Variants in CHAC1 observed in about 807,000 individuals in gnomAD.
CHAC1 encodes glutathione-specific gamma-glutamylcyclotransferase 1.
Under a neutral mutation model 22.1 loss-of-function variants are expected in CHAC1, and 22 were observed. The ratio of observed to expected loss-of-function variants is 1.00; its 90% CI spans 0.71 to 1.42. The LOEUF is 1.42. CHAC1 is among the 40% of genes most tolerant of loss of function. The pLI is 0.00. For missense variants in CHAC1, 272 were observed against 299.2 expected, an observed-to-expected ratio of 0.91 and a Z score of 0.67; for synonymous variants, 145 against 128.7, an observed-to-expected ratio of 1.13 and a Z score of -0.86.
In CHAC1 at chr15:40,955,828, C is replaced by A; in HGVS notation, c.*54C>A. 1 of 1,498,736 alleles carries A rather than the reference C, an allele frequency of 6.7e-7. No homozygotes were observed. The highest frequency in any genetic ancestry group is 8.9e-7 in the Non-Finnish European group (1 of 1,125,614). The allele number at this position is 1,498,736 out of a possible 1,614,324, so 92.8% of individuals were successfully genotyped here. A position where few individuals can be genotyped will look rare whatever the true frequency, so the allele number is the denominator to read the frequency against. The stretch of plus-strand genomic sequence containing the variant: ...TGTGGACATCAGGGCCAGACACCCA[C>A]TCCAGTGCACAAGACAGACTTGCGA... On this transcript the variant is annotated 3_prime_UTR_variant, in exon 3 of 3. Transcript: ENST00000617768.
intron 1 of CHAC1, 66 bp downstream of exon 1, chr15:40,953,880 T>A: frequency 7.9e-7 from 1 of 1,266,104 alleles, no homozygotes; most frequent in East Asian, 2.3e-5. Flanking sequence ...GCCAGTGCCC[T>A]GGAATGTCCG....
chr15:40,955,444 G>A lies in CHAC1; in HGVS notation c.339G>A (p.Val113=). 1 of 1,614,158 alleles carries A rather than the reference G, an allele frequency of 6.2e-7. No individual in the cohort carries two copies. The highest frequency in any genetic ancestry group is 2.2e-5 in the East Asian group (1 of 44,878). ...QVSKALKYLN[V]REAVLGGYDT... Reference sequence around the variant, plus strand: ...GCAAGGCCCTGAAGTACCTGAATGTGCGAGAGGCAGTGCTTGGTGGCTACG... The same window carrying A: ...GCAAGGCCCTGAAGTACCTGAATGTACGAGAGGCAGTGCTTGGTGGCTACG... Residue 113 remains valine (V), a synonymous_variant, in exon 3 of 3, where the codon GTG becomes GTA. Transcript: ENST00000617768.
At position 40,954,244 on chromosome 15, in the gene CHAC1, C is replaced by T. The variant is rs2140379664; in HGVS notation, c.248C>T (p.Thr83Met). ...CCTCCCTAGCCTGGCCGTGTGGTGA[C>T]GCTCCTTGAAGATCATGAGGTAAGT... is the stretch of plus-strand genomic sequence containing the variant. ...GSDKMPGRVV[T>M]LLEDHEGCTW... The change falls in exon 2 of 3, where the codon ACG (threonine) becomes ATG (methionine). Residue 83 changes from threonine (T) to methionine (M), a missense_variant. Physicochemically the swap from Thr to Met is moderately conservative, Grantham distance 81 (BLOSUM62 -1). Coordinates refer to ENST00000617768, the MANE Select transcript of CHAC1 (RefSeq NM_024111.6). 6.2e-7 allele frequency: 1 copy of T among 1,614,070 alleles called. No homozygotes were observed. Among genetic ancestry groups the T allele is most frequent in the Non-Finnish European group, 8.5e-7 (1 of 1,180,004 alleles).
chr15:40,953,570 C>G lies in CHAC1; in HGVS notation c.-14C>G. 3.1e-6 allele frequency: 5 copies of G among 1,609,738 alleles called. No individual in the cohort carries two copies. The highest frequency in any genetic ancestry group is 4.2e-6 in the Non-Finnish European group (5 of 1,179,888). ...CCCCGGAGGCCGCCTGGGCCTATCC[C>G]TGTGCCAGGCACCATGAAGCAGGAG... On this transcript the variant is annotated 5_prime_UTR_variant, in exon 1 of 3. Transcript: ENST00000617768.
At chr15:40,954,752 C>T (rs1034976589) in intron 2 of CHAC1, among the ~76,000 whole-genome samples, 3 of 151,634 alleles carry the variant, frequency 2.0e-5, no homozygotes, top group South Asian at 2.1e-4. Flanking sequence ...TACAGGCATG[C>T]GCTACCACAC....
In CHAC1 at chr15:40,953,692, G is replaced by C; in HGVS notation, c.109G>C (p.Gly37Arg). 1.2e-6 allele frequency: 2 copies of C among 1,607,564 alleles called. No individual in the cohort carries two copies. The highest frequency in any genetic ancestry group is 1.3e-5 in the African/African-American group (1 of 75,064). ...CGACCCTCAAGCGCTGTGGATTTTCGGGTACGGCTCCCTGGTGTGGAGGCC... is the reference window on the plus strand; with the variant it reads ...CGACCCTCAAGCGCTGTGGATTTTCCGGTACGGCTCCCTGGTGTGGAGGCC... ...DGDPQALWIF[G>R]YGSLVWRPDF... The change falls in exon 1 of 3, where the codon GGG becomes CGG. Residue 37 changes from glycine (G) to arginine (R), a missense_variant. Gly to Arg is a moderately radical substitution (Grantham distance 125, BLOSUM62 -2). Coordinates refer to ENST00000617768, the MANE Select transcript of CHAC1 (RefSeq NM_024111.6).
intron 2 of CHAC1, among the ~76,000 whole-genome samples, 188 bp downstream of exon 2, chr15:40,954,451 G>A (rs1893183100): frequency 6.6e-6 from 1 of 152,224 alleles, no homozygotes; most frequent in Non-Finnish European, 1.5e-5. Flanking sequence ...TTTTAGTTCA[G>A]TAGCATGAGA....
chr15:40,953,610 C>T lies in CHAC1; in HGVS notation c.27C>T (p.Asn9=), dbSNP rs1295770606. The change falls in exon 1 of 3, where the codon AAC becomes AAT. Residue 9 remains asparagine (N), a synonymous_variant. Transcript: ENST00000617768. The part of the protein sequence containing the change: MKQESAAP[N]TPPTSQSPTP... ...TGAAGCAGGAGTCTGCAGCCCCGAACACCCCGCCCACCTCGCAGTCCCCTA... is the reference window on the plus strand; with the variant it reads ...TGAAGCAGGAGTCTGCAGCCCCGAATACCCCGCCCACCTCGCAGTCCCCTA... 5.0e-6 allele frequency: 8 copies of T among 1,610,058 alleles called. No individual in the cohort carries two copies. Among genetic ancestry groups the T allele is most frequent in the Non-Finnish European group, 5.9e-6 (7 of 1,179,960 alleles).
chr15:40,955,510 C>T lies in CHAC1; in HGVS notation c.405C>T (p.Asp135=). The change falls in exon 3 of 3, where the codon GAC becomes GAT. Residue 135 remains aspartate, a synonymous_variant. Coordinates refer to ENST00000617768, the MANE Select transcript of CHAC1 (RefSeq NM_024111.6). ...EVTFYPQDAP[D]QPLKALAYVA... ...CCTTCTATCCCCAAGATGCTCCTGACCAACCACTGAAGGCATTGGCCTATG... is the reference window on the plus strand; with the variant it reads ...CCTTCTATCCCCAAGATGCTCCTGATCAACCACTGAAGGCATTGGCCTATG... The T allele has an allele frequency of 6.2e-7, 1 of 1,614,226 alleles. No homozygotes were observed. Among genetic ancestry groups the T allele is most frequent in the South Asian group, 1.1e-5 (1 of 91,092 alleles).
chr15:40,953,604 C>T lies in CHAC1; in HGVS notation c.21C>T (p.Ala7=), dbSNP rs571789664. Residue 7 remains alanine (A), a synonymous_variant, in exon 1 of 3, where the codon GCC becomes GCT. Transcript: ENST00000617768. The part of the protein sequence containing the change: MKQESA[A]PNTPPTSQSP... ...GCACCATGAAGCAGGAGTCTGCAGC[C>T]CCGAACACCCCGCCCACCTCGCAGT... The T allele has an allele frequency of 2.3e-5, 37 of 1,610,108 alleles. No homozygotes were observed. The highest frequency in any genetic ancestry group is 6.7e-5 in the Admixed American group (4 of 60,032).
chr15:40,955,644 T>A lies in CHAC1; in HGVS notation c.539T>A (p.Leu180Gln). ...GFSGHNLEYL[L>Q]RLADFMQLCG... ...TCCGGCCACAACCTTGAATACTTGC[T>A]GCGTCTGGCAGACTTCATGCAGCTC... The change falls in exon 3 of 3, where the codon CTG (leucine) becomes CAG (glutamine). Residue 180 changes from leucine (L) to glutamine (Q), a missense_variant. Physicochemically the swap from Leu to Gln is moderately radical, Grantham distance 113. Coordinates refer to ENST00000617768, the MANE Select transcript of CHAC1 (RefSeq NM_024111.6). The A allele has an allele frequency of 6.2e-7, 1 of 1,613,332 alleles. No individual in the cohort carries two copies. Among genetic ancestry groups the A allele is most frequent in the East Asian group, 2.2e-5 (1 of 44,876 alleles).
chr15:40,953,963 C>G, intron 1 of CHAC1, 149 bp downstream of exon 1: 1 of 705,934 alleles, frequency 1.4e-6, no homozygotes, highest in Non-Finnish European at 2.3e-6. Flanking sequence ...AATGTATGTG[C>G]CCAGTGCATC....
Position 40,953,686 on chromosome 15 carries a change from A to T in CHAC1, c.103A>T (p.Ile35Phe). 6.2e-7 allele frequency: 1 copy of T among 1,607,864 alleles called. No homozygotes were observed. The highest frequency in any genetic ancestry group is 1.1e-5 in the South Asian group (1 of 91,080). Residue 35 changes from isoleucine to phenylalanine, a missense_variant, in exon 1 of 3, where the codon ATT (isoleucine) becomes TTT (phenylalanine). Transcript: ENST00000617768. ...RNDGDPQALWIFGYGSLVWRP... is the reference protein window; with the variant it reads ...RNDGDPQALWFFGYGSLVWRP... ...CGACGGCGACCCTCAAGCGCTGTGG[A>T]TTTTCGGGTACGGCTCCCTGGTGTG...
intron 2 of CHAC1, among the ~76,000 whole-genome samples, chr15:40,954,551 T>G (rs1166207655): frequency 6.6e-6 from 1 of 151,592 alleles, no homozygotes; most frequent in African/African-American, 2.4e-5. Flanking sequence ...CTGTCTTCCC[T>G]GGTACTAGAC....
In CHAC1 at chr15:40,955,397, C is replaced by G; in HGVS notation, c.292C>G (p.Gln98Glu). ...GGGCTGCACTTGGGGCGTGGCATAC[C>G]AAGTGCAAGGGGAGCAGGTAAGCAA... ...HEGCTWGVAY[Q>E]VQGEQVSKAL... The change falls in exon 3 of 3, where the codon CAA (glutamine) becomes GAA (glutamate). Residue 98 changes from glutamine to glutamate, a missense_variant. Coordinates refer to ENST00000617768, the MANE Select transcript of CHAC1 (RefSeq NM_024111.6). 1 of 1,613,928 alleles carries G rather than the reference C, an allele frequency of 6.2e-7. No homozygotes were observed. Among genetic ancestry groups the G allele is most frequent in the Admixed American group, 1.7e-5 (1 of 60,020 alleles).
At position 40,953,548 on chromosome 15, in the gene CHAC1, C is replaced by T. The variant is rs1893153284; in HGVS notation, c.-36C>T. 6.2e-7 allele frequency: 1 copy of T among 1,608,166 alleles called. No individual in the cohort carries two copies. The highest frequency in any genetic ancestry group is 1.7e-5 in the Admixed American group (1 of 59,992). On this transcript the variant is annotated 5_prime_UTR_variant, in exon 1 of 3. Coordinates refer to ENST00000617768, the MANE Select transcript of CHAC1 (RefSeq NM_024111.6). ...CCGTGCCCACGCCGGAGACCAGCCC[C>T]GGAGGCCGCCTGGGCCTATCCCTGT... is the stretch of plus-strand genomic sequence containing the variant.
chr15:40,953,840 A>T, intron 1 of CHAC1, 26 bp downstream of exon 1: 2 of 1,534,062 alleles, frequency 1.3e-6, no homozygotes, highest in East Asian at 2.3e-5. Context: ...TGCCCAGGGG[A>T]GTGAGGGGGT....
chr15:40,956,187 C>G lies in CHAC1; in HGVS notation c.*413C>G, dbSNP rs1292468509. On this transcript the variant is annotated 3_prime_UTR_variant, in exon 3 of 3. Transcript: ENST00000617768. ...CCATCCATAGCCCTGGGAATTCCAC[C>G]TGCCAAGGATCCCAGCAGGCTGGAT... The G allele has an allele frequency of 1.1e-5, 2 of 175,202 alleles. No individual in the cohort carries two copies. The highest frequency in any genetic ancestry group is 1.5e-4 in the East Asian group (1 of 6,680). 10.9% of individuals were successfully genotyped at this position (175,202 alleles called of 1,614,324 possible).
Position 40,956,458 on chromosome 15 carries a change from C to T in CHAC1, c.*684C>T, listed in dbSNP as rs1323244984. On this transcript the variant is annotated 3_prime_UTR_variant, in exon 3 of 3. Coordinates refer to ENST00000617768, the MANE Select transcript of CHAC1 (RefSeq NM_024111.6). ...TTCCTGGGAAGCTCATCACTACAGG[C>T]CCTGGCAACCTTCCCAGTCTGTCCC... is the stretch of plus-strand genomic sequence containing the variant. The T allele has an allele frequency of 1.3e-5, 2 of 152,630 alleles. No individual in the cohort carries two copies. Among genetic ancestry groups the T allele is most frequent in the African/African-American group, 2.4e-5 (1 of 41,444 alleles). 9.5% of individuals were successfully genotyped at this position (152,630 alleles called of 1,614,324 possible). A position where few individuals can be genotyped will look rare whatever the true frequency, so the allele number is the denominator to read the frequency against.
Sources: gnomAD v4.1 joint callset for allele counts (sites outside exome capture counted in the v4.1 genomes callset) on GRCh38, gnomAD v4.1.1 for gene constraint, MANE v1.5 for transcripts, NCBI Gene and HGNC (gene_info 2026-07-23, HGNC 2026-07-21) for gene names.